TRIM35: variants seen among roughly 807,000 people sequenced by gnomAD.
The protein encoded by TRIM35 is E3 ubiquitin-protein ligase TRIM35.
A neutral mutation model predicts 49.1 loss-of-function variants in TRIM35; 37 were observed. That is an observed-to-expected ratio of 0.75 (90% confidence interval 0.58 to 0.99). TRIM35 has a LOEUF of 0.99. Among genes scored for constraint, TRIM35 ranks in the 50% least tolerant of loss-of-function variants. The pLI is 0.00. For synonymous variants in TRIM35, 302 were observed against 289.3 expected, an observed-to-expected ratio of 1.04 and a Z score of -0.45; for missense variants, 648 against 702.7, an observed-to-expected ratio of 0.92 and a Z score of 0.88.
At chr8:27,308,636 G>T (rs1802836819) in intron 1 of TRIM35, among the ~76,000 whole-genome samples, 1 of 152,170 alleles carries the variant, frequency 6.6e-6, no homozygotes, top group Admixed American at 6.5e-5. Flanking sequence ...AGAATTCCAT[G>T]AAGCTAAGAA....
chr8:27,310,896 C>T lies in TRIM35; in HGVS notation c.340G>A (p.Glu114Lys). 1 of 1,612,834 alleles carries T rather than the reference C, an allele frequency of 6.2e-7. No homozygotes were observed. Among genetic ancestry groups the T allele is most frequent in the Non-Finnish European group, 8.5e-7 (1 of 1,179,834 alleles). ...HRGQLSLFCLEDKELLCCSCQ... is the reference protein window; with the variant it reads ...HRGQLSLFCLKDKELLCCSCQ... ...GAGCAGCACAGCAGCTCCTTGTCCTCGAGGCAGAAGAGGCTGAGCTGTCCG... is the reference window on the plus strand; with the variant it reads ...GAGCAGCACAGCAGCTCCTTGTCCTTGAGGCAGAAGAGGCTGAGCTGTCCG... Residue 114 changes from glutamate to lysine, a missense_variant, in exon 1 of 6, where the codon GAG becomes AAG. By Grantham distance (56) the Glu-to-Lys change is moderately conservative. Transcript: ENST00000305364.
At chr8:27,304,870 C>A (rs748981949) in intron 1 of TRIM35, 7 of 447,286 alleles carry the variant, frequency 1.6e-5, no homozygotes, top group South Asian at 1.1e-4. Flanking sequence ...TCAGGCTCCT[C>A]ACCTTAAAAA....
chr8:27,290,812 C>G (rs1036751400), intron 3 of TRIM35, among the ~76,000 whole-genome samples: 3 of 152,120 alleles, frequency 2.0e-5, no homozygotes, highest in African/African-American at 7.2e-5. Context: ...CCAAAACCAT[C>G]TTGAAAAAGA....
At chr8:27,310,743 C>T in intron 1 of TRIM35, 58 bp downstream of exon 1, 1 of 1,517,844 alleles carries the variant, frequency 6.6e-7, no homozygotes, top group Non-Finnish European at 8.9e-7. Flanking sequence ...GCCGCAGAGC[C>T]AAGGGATTCC....
intron 1 of TRIM35, among the ~76,000 whole-genome samples, chr8:27,305,643 C>T (rs755905241): frequency 7.9e-5 from 12 of 152,126 alleles, no homozygotes; most frequent in South Asian, 2.1e-4. Flanking sequence ...AAGATGTTGA[C>T]GCCAGAAGGG....
intron 2 of TRIM35, among the ~76,000 whole-genome samples, chr8:27,296,831 C>T (rs182409394): frequency 2.4e-4 from 36 of 152,338 alleles, no homozygotes; most frequent in African/African-American, 7.5e-4. Flanking sequence ...GCTCTGACAT[C>T]GGATGACAAA....
chr8:27,299,928 T>C (rs768216059), intron 1 of TRIM35, among the ~76,000 whole-genome samples: 10 of 152,160 alleles, frequency 6.6e-5, no homozygotes, highest in Non-Finnish European at 1.0e-4. Context: ...TGAAATCCCC[T>C]CCTCTGTGGG....
chr8:27,302,916 T>C (rs1471559208), intron 1 of TRIM35, among the ~76,000 whole-genome samples: 1 of 152,238 alleles, frequency 6.6e-6, no homozygotes, highest in Non-Finnish European at 1.5e-5. Flanking sequence ...TTACATCTTT[T>C]ATTTATAATT....
At position 27,287,881 on chromosome 8, in the gene TRIM35, T is replaced by G; in HGVS notation, c.1151A>C (p.His384Pro). 1 of 1,613,040 alleles carries G rather than the reference T, an allele frequency of 6.2e-7. No individual in the cohort carries two copies. The highest frequency in any genetic ancestry group is 8.5e-7 in the Non-Finnish European group (1 of 1,179,814). Residue 384 changes from histidine to proline, a missense_variant, in exon 6 of 6, where the codon CAC becomes CCC. Transcript: ENST00000305364. This position sits in a 1 kb window ranked among gnomAD's most constrained non-coding sequence, Gnocchi z 6.0. ...RVRQDSGAEG[H>P]SHSCYHDTRS... ...TGTGTCGTGGTAGCAGCTGTGTGAG[T>G]GGCCCTCAGCGCCCGAGTCCTGGCG...
At chr8:27,305,433 G>A (rs1802763861) in intron 1 of TRIM35, among the ~76,000 whole-genome samples, 1 of 152,218 alleles carries the variant, frequency 6.6e-6, no homozygotes, top group Non-Finnish European at 1.5e-5. Context: ...ATACCACTGG[G>A]CACAGGCCTG....
chr8:27,310,666 G>A (rs1055095374), intron 1 of TRIM35, 135 bp downstream of exon 1: 2 of 1,017,642 alleles, frequency 2.0e-6, no homozygotes, highest in African/African-American at 1.6e-5. Context: ...GGGTCGGAGA[G>A]GTGGGGTCCT....
chr8:27,302,589 T>C (rs547268895), intron 1 of TRIM35, among the ~76,000 whole-genome samples: 18 of 152,212 alleles, frequency 1.2e-4, no homozygotes, highest in African/African-American at 4.3e-4. Context: ...TTTAACTTTT[T>C]GTAGAGACAG....
intron 5 of TRIM35, 76 bp from the exon 6 acceptor site, chr8:27,288,203 C>G (rs1429429323): frequency 5.1e-6 from 7 of 1,379,394 alleles, no homozygotes; most frequent in Non-Finnish European, 4.9e-6. Context: ...TCCAGCCCCA[C>G]AAACCAACCA....
rs145200366 is a variant in TRIM35, at chr8:27,294,095, G to T, written c.747C>A (p.Asp249Glu). The T allele has an allele frequency of 6.3e-5, 102 of 1,613,922 alleles. 1 individual carries two copies. Among genetic ancestry groups the T allele is most frequent in the Non-Finnish European group, 8.3e-5 (98 of 1,180,012 alleles). The change falls in exon 3 of 6, where the codon GAC (aspartate) becomes GAA (glutamate). Residue 249 changes from aspartate (D) to glutamate (E), a missense_variant. Transcript: ENST00000305364. ...ERLQMEMKEDDVSFLMKHKSR... is the reference protein window; with the variant it reads ...ERLQMEMKEDEVSFLMKHKSR... Reference sequence around the variant, plus strand: ...AGCTCCTTACCATGAGAAAAGAAACGTCGTCCTCCTTCATCTCCATCTGCA... The same window carrying T: ...AGCTCCTTACCATGAGAAAAGAAACTTCGTCCTCCTTCATCTCCATCTGCA...
chr8:27,305,499 C>A (rs1171821014), intron 1 of TRIM35, among the ~76,000 whole-genome samples: 2 of 152,184 alleles, frequency 1.3e-5, no homozygotes, highest in Admixed American at 1.3e-4. Flanking sequence ...GGTAAGTCCT[C>A]ACCTAGAAGC....
intron 1 of TRIM35, among the ~76,000 whole-genome samples, chr8:27,303,966 T>C (rs1432513803): frequency 1.3e-5 from 2 of 152,216 alleles, no homozygotes; most frequent in Non-Finnish European, 2.9e-5. Context: ...AATGCTGGGA[T>C]TACAGGCATG....
At chr8:27,289,354 C>A in intron 4 of TRIM35, 74 bp from the exon 5 acceptor site, 1 of 1,226,376 alleles carries the variant, frequency 8.2e-7, no homozygotes. Flanking sequence ...CAACTGGAAA[C>A]CAGCAACAGG....
At position 27,286,184 on chromosome 8, in the gene TRIM35, T is replaced by C. The variant is rs1363112297; in HGVS notation, c.*1366A>G. 2.2e-6 allele frequency: 1 copy of C among 456,066 alleles called. No homozygotes were observed. Among genetic ancestry groups the C allele is most frequent in the Admixed American group, 2.3e-5 (1 of 42,556 alleles). 28.3% of individuals were successfully genotyped at this position (456,066 alleles called of 1,614,324 possible). A position where few individuals can be genotyped will look rare whatever the true frequency, so the allele number is the denominator to read the frequency against. ...TTTTATGATGCCACTTCCTGGGACA[T>C]GATGAGCTGAAGATTAAAAACTCTT... On this transcript the variant is annotated 3_prime_UTR_variant, in exon 6 of 6. Coordinates refer to ENST00000305364, the MANE Select transcript of TRIM35 (RefSeq NM_171982.5).
rs1802354222 is a variant in TRIM35 at position 27,287,622 on chromosome 8, C to T, written c.1410G>A (p.Arg470=). ...GCAAAGGCTCTGGAGGCCCGGCGCC[C>T]CGTGCACCCCCCAGGTAGAAGTAGG... ...VRPYFYLGGA[R]GAGPPEPLRI... is the part of the protein sequence containing the mutation. Residue 470 remains arginine, a synonymous_variant, in exon 6 of 6, where the codon CGG becomes CGA. Coordinates refer to ENST00000305364, the MANE Select transcript of TRIM35 (RefSeq NM_171982.5). This position sits in a 1 kb window ranked among gnomAD's most constrained non-coding sequence, Gnocchi z 6.0. The T allele has an allele frequency of 6.2e-7, 1 of 1,607,358 alleles. No individual in the cohort carries two copies. Among genetic ancestry groups the T allele is most frequent in the Non-Finnish European group, 8.5e-7 (1 of 1,177,020 alleles).
Sources: allele counts gnomAD v4.1 joint callset (sites outside exome capture counted in the v4.1 genomes callset), GRCh38; gene constraint gnomAD v4.1.1; non-coding constraint Gnocchi (gnomAD v3.1); transcripts MANE v1.5; gene names NCBI Gene and HGNC (gene_info 2026-07-23, HGNC 2026-07-21).